The following AK8 variants were observed in gnomAD, a reference collection of about 807,000 sequenced individuals.
AK8 encodes adenylate kinase 8, also known as ATP-AMP transphosphorylase 8.
A neutral mutation model predicts 54.6 loss-of-function variants in AK8; 44 were observed. The ratio of observed to expected loss-of-function variants is 0.81; its 90% CI spans 0.63 to 1.04. The LOEUF (loss-of-function observed/expected upper bound fraction) is 1.04, where lower values mean the gene tolerates loss of function less well. Among genes scored for constraint, AK8 ranks in the 50% least tolerant of loss-of-function variants. The pLI is 0.00. For missense variants in AK8, 555 were observed against 613.6 expected (o/e 0.90, Z 1.01); for synonymous variants, 239 against 245.6 (o/e 0.97, Z 0.25).
intron 11 of AK8, among the ~76,000 whole-genome samples, chr9:132,740,716 C>CA (rs887113059): frequency 1.4e-4 from 21 of 152,144 alleles, no homozygotes; most frequent in Non-Finnish European, 2.6e-4. Flanking sequence ...TGAGCACCCC[C>CA]CCGCCCCACT....
chr9:132,872,119 G>T (rs1332395509), intron 2 of AK8, among the ~76,000 whole-genome samples: 1 of 152,266 alleles, frequency 6.6e-6, no homozygotes, highest in Admixed American at 6.5e-5. Flanking sequence ...AGGATCACTT[G>T]AGCCTAGGAG....
Position 132,791,049 on chromosome 9 carries a change from C to T in AK8, c.1121+1585G>A, listed in dbSNP as rs1034643501. Among the ~76,000 whole-genome samples, 6 of 152,122 alleles carry T rather than the reference C, an allele frequency of 3.9e-5. No homozygotes were observed. Among genetic ancestry groups the T allele is most frequent in the Non-Finnish European group, 8.8e-5 (6 of 68,018 alleles). ...AGAATATATCCATGTCAAACTGTAA[C>T]GGATTGTATTAGTCCGTTTCACACT... On this transcript the variant is annotated intron_variant, in intron 11 of 12. Coordinates refer to ENST00000298545, the MANE Select transcript of AK8 (RefSeq NM_152572.3). This position sits in a 1 kb window ranked among gnomAD's most constrained non-coding sequence, Gnocchi z 4.0.
At chr9:132,871,682 A>G (rs1356216304) in intron 2 of AK8, among the ~76,000 whole-genome samples, 1 of 152,208 alleles carries the variant, frequency 6.6e-6, no homozygotes, top group Non-Finnish European at 1.5e-5. Context: ...AGAACAACAG[A>G]GCAGGTGCAG....
intron 10 of AK8, among the ~76,000 whole-genome samples, chr9:132,804,576 A>G (rs1346966907): frequency 6.6e-6 from 1 of 151,544 alleles, no homozygotes; most frequent in Non-Finnish European, 1.5e-5. Flanking sequence ...GGGGGGTGGG[A>G]GCAGGTACAT....
At chr9:132,728,004 C>T (rs1175069247) in intron 11 of AK8, among the ~76,000 whole-genome samples, 1 of 152,210 alleles carries the variant, frequency 6.6e-6, no homozygotes, top group African/African-American at 2.4e-5. Context: ...GTAACAAACT[C>T]TTCTTTCAGT....
At chr9:132,754,492 C>T (rs1361150777) in intron 11 of AK8, among the ~76,000 whole-genome samples, 1 of 152,156 alleles carries the variant, frequency 6.6e-6, no homozygotes, top group Non-Finnish European at 1.5e-5. Flanking sequence ...AGAACAGGAT[C>T]GGCCCCATCC....
At chr9:132,839,411 G>T (rs974959405) in intron 5 of AK8, among the ~76,000 whole-genome samples, 1 of 152,196 alleles carries the variant, frequency 6.6e-6, no homozygotes, top group African/African-American at 2.4e-5. Context: ...GCAGAGACCC[G>T]TTCATATTCC....
intron 5 of AK8, among the ~76,000 whole-genome samples, chr9:132,851,383 G>A (rs1377397759): frequency 6.6e-6 from 1 of 152,196 alleles, no homozygotes. Context: ...CCTGGTCATG[G>A]GTGCAGTCCC....
Position 132,746,531 on chromosome 9 carries a change from A to G in AK8, c.1122-18997T>C, listed in dbSNP as rs541227488. Among the ~76,000 whole-genome samples the G allele has an allele frequency of 7.2e-5, 11 of 152,346 alleles. No homozygotes were observed. The South Asian group carries it at 2.3e-3, about 32-fold the overall frequency. On this transcript the variant is annotated intron_variant, in intron 11 of 12. Transcript: ENST00000298545. ...TTAGCATCGAGGCTGATATGTGATA[A>G]TCACCCAATTTAGTTAGCCAATACT...
chr9:132,763,329 G>T (rs1590211877), intron 11 of AK8, among the ~76,000 whole-genome samples: 1 of 152,136 alleles, frequency 6.6e-6, no homozygotes, highest in South Asian at 2.1e-4. Flanking sequence ...AATACATGCA[G>T]ATTAAACAAC....
chr9:132,876,867 C>T (rs1222582638), intron 1 of AK8, among the ~76,000 whole-genome samples: 1 of 151,388 alleles, frequency 6.6e-6, no homozygotes, highest in Non-Finnish European at 1.5e-5. Context: ...AAGACCAGTC[C>T]GGGCAACATA....
At chr9:132,861,048 C>T (rs1012331009) in intron 4 of AK8, among the ~76,000 whole-genome samples, 2 of 152,202 alleles carry the variant, frequency 1.3e-5, no homozygotes, top group Non-Finnish European at 2.9e-5. Context: ...GGGATGGATC[C>T]ATGGGGGTTC....
At chr9:132,809,381 C>A (rs990162444) in intron 10 of AK8, among the ~76,000 whole-genome samples, 1 of 152,166 alleles carries the variant, frequency 6.6e-6, no homozygotes, top group African/African-American at 2.4e-5. Context: ...TCCACTGTTC[C>A]CTTCACCCTG....
intron 11 of AK8, among the ~76,000 whole-genome samples, chr9:132,788,036 A>T (rs900977736): frequency 6.6e-6 from 1 of 152,086 alleles, no homozygotes; most frequent in Non-Finnish European, 1.5e-5. Flanking sequence ...TGACCAAAAA[A>T]AAAACAACAA....
intron 9 of AK8, among the ~76,000 whole-genome samples, chr9:132,820,144 G>GAAAAAAAAAAAAAAAA (rs35984099): frequency 2.8e-5 from 2 of 72,724 alleles, no homozygotes; most frequent in Non-Finnish European, 5.1e-5. Context: ...AGTAAGACCC[G>GAAAAAAAAAAAAAAAA]AAAAAAAAAA....
At chr9:132,768,897 C>T (rs1371038186) in intron 11 of AK8, 2 of 152,140 alleles carry the variant, frequency 1.3e-5, no homozygotes, top group East Asian at 1.9e-4. Flanking sequence ...TTTTATTTGT[C>T]GTTAAAAATC....
chr9:132,736,037 G>C (rs757616123), intron 11 of AK8, among the ~76,000 whole-genome samples: 9 of 152,210 alleles, frequency 5.9e-5, no homozygotes, highest in Non-Finnish European at 8.8e-5. Context: ...GTAAGTACTT[G>C]TGTATCCACA....
intron 4 of AK8, among the ~76,000 whole-genome samples, chr9:132,856,601 C>T (rs1407583851): frequency 2.0e-4 from 30 of 152,194 alleles, no homozygotes. Flanking sequence ...CTGCACACCC[C>T]ACTCCCAGCC....
chr9:132,773,793 T>C (rs1253995426), intron 11 of AK8, among the ~76,000 whole-genome samples: 3 of 152,124 alleles, frequency 2.0e-5, no homozygotes, highest in Non-Finnish European at 2.9e-5. Context: ...TAAAGTCTTA[T>C]GGAGGTGCAG....
Sources: gnomAD v4.1 joint callset for allele counts (sites outside exome capture counted in the v4.1 genomes callset) on GRCh38, gnomAD v4.1.1 for gene constraint, Gnocchi (gnomAD v3.1) non-coding constraint, MANE v1.5 for transcripts, NCBI Gene and HGNC (gene_info 2026-07-23, HGNC 2026-07-21) for gene names.